TSPAN9: variants seen among roughly 807,000 people sequenced by gnomAD.
The protein encoded by TSPAN9 is tetraspanin 9.
Under a neutral mutation model 31.0 loss-of-function variants are expected in TSPAN9, and 16 were observed. The ratio of observed to expected loss-of-function variants is 0.52; its 90% CI spans 0.35 to 0.78. The LOEUF is 0.78. Ranked by LOEUF, TSPAN9 falls within the 30% of genes least tolerant of loss-of-function variation. TSPAN9 has a pLI of 0.01. For synonymous variants in TSPAN9, 145 were observed against 121.6 expected, an observed-to-expected ratio of 1.19 and a Z score of -1.27; for missense variants, 272 against 312.5, an observed-to-expected ratio of 0.87 and a Z score of 0.98.
At chr12:3,150,634 TA>T (rs2098339294) in intron 2 of TSPAN9, among the ~76,000 whole-genome samples, 1 of 152,186 alleles carries the variant, frequency 6.6e-6, no homozygotes, top group South Asian at 2.1e-4. Flanking sequence ...TTTGGTGTCT[TA>T]AGTGAGGAGA....
rs949377508 is a variant in TSPAN9 at position 3,280,080 on chromosome 12, C to G, written c.331-302C>G. 1.3e-5 allele frequency among the ~76,000 whole-genome samples: 2 copies of G among 152,004 alleles called. No individual in the cohort carries two copies. The highest frequency in any genetic ancestry group is 2.9e-5 in the Non-Finnish European group (2 of 67,984). The stretch of plus-strand genomic sequence containing the variant: ...TGGTCCTGGGATGGGGGAGTGGAGG[C>G]ACGTGGTGTGTTTTTTTGCCTCTGG... On this transcript the variant is annotated intron_variant, in intron 5 of 8. Coordinates refer to ENST00000011898, the MANE Select transcript of TSPAN9 (RefSeq NM_006675.5). The surrounding 1 kb of genome is among the most constrained non-coding windows in gnomAD (Gnocchi z 4.5).
At chr12:3,092,781 G>T (rs901076453) in intron 2 of TSPAN9, among the ~76,000 whole-genome samples, 1 of 152,210 alleles carries the variant, frequency 6.6e-6, no homozygotes, top group African/African-American at 2.4e-5. Flanking sequence ...AGGATGCTCA[G>T]TGGACTCCCT....
chr12:3,136,315 C>T (rs1473934761), intron 2 of TSPAN9, among the ~76,000 whole-genome samples: 4 of 152,180 alleles, frequency 2.6e-5, no homozygotes, highest in East Asian at 1.9e-4. Context: ...TCCAGAGTCC[C>T]GGGATAAGTC....
intron 3 of TSPAN9, among the ~76,000 whole-genome samples, chr12:3,205,721 C>CCG (rs986493092): frequency 9.9e-6 from 1 of 101,384 alleles, no homozygotes; most frequent in African/African-American, 3.0e-5. Context: ...CACTTAGGCC[C>CCG]CCCCCCCCCA....
intron 3 of TSPAN9, among the ~76,000 whole-genome samples, chr12:3,271,320 C>T (rs1318731692): frequency 6.6e-6 from 1 of 152,178 alleles, no homozygotes; most frequent in Non-Finnish European, 1.5e-5. Flanking sequence ...CCACTCAAGC[C>T]AATGGGGCCT....
intron 5 of TSPAN9, among the ~76,000 whole-genome samples, chr12:3,279,583 C>A (rs776903917): frequency 3.3e-5 from 5 of 152,194 alleles, no homozygotes; most frequent in Non-Finnish European, 4.4e-5. Context: ...TGGTGGGTGA[C>A]CCCCTGTAAC....
chr12:3,154,743 A>G (rs757781326), intron 2 of TSPAN9, among the ~76,000 whole-genome samples: 16 of 152,200 alleles, frequency 1.1e-4, no homozygotes, highest in Non-Finnish European at 2.2e-4. Flanking sequence ...TTAAGTAAAT[A>G]CTTAGCCTGA....
At chr12:3,219,846 A>G (rs2098383382) in intron 3 of TSPAN9, among the ~76,000 whole-genome samples, 1 of 80,712 alleles carries the variant, frequency 1.2e-5, no homozygotes. Flanking sequence ...AACTTAAACT[A>G]TTAAAAAAAA....
At chr12:3,113,253 G>T (rs1189335190) in intron 2 of TSPAN9, among the ~76,000 whole-genome samples, 1 of 151,860 alleles carries the variant, frequency 6.6e-6, no homozygotes, top group Non-Finnish European at 1.5e-5. Context: ...AAGAGGGCAT[G>T]TGTGGTGGGG....
chr12:3,188,165 G>A (rs1012215280), intron 2 of TSPAN9, among the ~76,000 whole-genome samples: 3 of 152,144 alleles, frequency 2.0e-5, no homozygotes, highest in African/African-American at 7.2e-5. Flanking sequence ...CCCAGACACT[G>A]CCTCATCTGT....
chr12:3,090,220 G>A (rs1048917543), intron 2 of TSPAN9, among the ~76,000 whole-genome samples: 4 of 130,642 alleles, frequency 3.1e-5, no homozygotes, highest in East Asian at 2.9e-4. Flanking sequence ...ATTCTTTTCC[G>A]TAGTTGGCGC....
intron 3 of TSPAN9, among the ~76,000 whole-genome samples, chr12:3,264,587 C>T (rs956100104): frequency 1.7e-4 from 26 of 152,320 alleles, no homozygotes; most frequent in African/African-American, 6.3e-4. Context: ...CCAGGAGCAG[C>T]CTCTGTGTGC....
chr12:3,253,537 C>T (rs991626673), intron 3 of TSPAN9, among the ~76,000 whole-genome samples: 4 of 152,228 alleles, frequency 2.6e-5, no homozygotes, highest in South Asian at 2.1e-4. Context: ...AGGAAGTGTT[C>T]GCTGAGCTCG....
intron 2 of TSPAN9, among the ~76,000 whole-genome samples, chr12:3,174,876 C>A (rs904262531): frequency 2.1e-4 from 32 of 152,218 alleles, no homozygotes; most frequent in African/African-American, 7.2e-4. Context: ...GCCACCGCAC[C>A]CGGCCTCAGC....
chr12:3,271,854 C>G (rs930231553), intron 3 of TSPAN9, among the ~76,000 whole-genome samples: 6 of 152,230 alleles, frequency 3.9e-5, no homozygotes, highest in African/African-American at 1.2e-4. Flanking sequence ...GGCTGCGCTC[C>G]TGGCACCGAT....
intron 3 of TSPAN9, among the ~76,000 whole-genome samples, chr12:3,272,182 G>A (rs1862692116): frequency 6.6e-6 from 1 of 152,162 alleles, no homozygotes; most frequent in Admixed American, 6.5e-5. Flanking sequence ...GGTGCCTTGT[G>A]GGGCTCTGCA....
intron 2 of TSPAN9, among the ~76,000 whole-genome samples, chr12:3,154,730 G>A (rs909758733): frequency 3.2e-4 from 48 of 152,216 alleles, no homozygotes; most frequent in Non-Finnish European, 1.2e-4. Flanking sequence ...TGATTCTTTT[G>A]TTTTAAGTAA....
chr12:3,213,921 A>C (rs945140072), intron 3 of TSPAN9, among the ~76,000 whole-genome samples: 2 of 152,104 alleles, frequency 1.3e-5, no homozygotes, highest in Non-Finnish European at 2.9e-5. Context: ...TTTCCTCCCC[A>C]CTCCTACAAA....
At chr12:3,109,077 A>G (rs914810056) in intron 2 of TSPAN9, among the ~76,000 whole-genome samples, 8 of 151,930 alleles carry the variant, frequency 5.3e-5, no homozygotes, top group Non-Finnish European at 7.4e-5. Flanking sequence ...CTGGGACTAC[A>G]GGCACTCGCC....
Sources: allele counts gnomAD v4.1 joint callset (sites outside exome capture counted in the v4.1 genomes callset), GRCh38; gene constraint gnomAD v4.1.1; non-coding constraint Gnocchi (gnomAD v3.1); transcripts MANE v1.5; gene names NCBI Gene and HGNC (gene_info 2026-07-23, HGNC 2026-07-21).